The following COL27A1 variants were observed in gnomAD, a reference collection of about 807,000 sequenced individuals.
COL27A1 encodes the protein collagen alpha-1(XXVII) chain.
COL27A1 carries 106 observed loss-of-function variants against 251.3 expected under a neutral mutation model. That is an observed-to-expected ratio of 0.42 (90% CI 0.36 to 0.50). The LOEUF is 0.50. COL27A1 is among the 20% of genes least tolerant of loss of function. COL27A1 has a pLI of 0.00. For missense variants in COL27A1, 2,325 were observed against 2,522.8 expected (o/e 0.92, Z 1.68); for synonymous variants, 1,000 against 986.3 (o/e 1.01, Z -0.26).
At chr9:114,289,385 C>A in intron 45 of COL27A1, 90 bp downstream of exon 45, 2 of 1,296,288 alleles carry the variant, frequency 1.5e-6, no homozygotes, top group Non-Finnish European at 2.1e-6. Flanking sequence ...ACGCAGGCTG[C>A]AGAGGCTGCG....
chr9:114,215,198 G>T (rs1163525101), intron 12 of COL27A1, among the ~76,000 whole-genome samples: 6 of 152,252 alleles, frequency 3.9e-5, no homozygotes, highest in African/African-American at 1.2e-4. Flanking sequence ...GCCCAAGGCC[G>T]CGCAGTCCTC....
chr9:114,232,672 C>T (rs1588715853), intron 16 of COL27A1, among the ~76,000 whole-genome samples: 1 of 152,192 alleles, frequency 6.6e-6, no homozygotes, highest in Non-Finnish European at 1.5e-5. Context: ...CTCTAGGTGC[C>T]TCTGCTTCCT....
At chr9:114,261,475 C>T (rs1834331430) in intron 28 of COL27A1, among the ~76,000 whole-genome samples, 1 of 152,214 alleles carries the variant, frequency 6.6e-6, no homozygotes, top group Non-Finnish European at 1.5e-5. Context: ...GAGTGTGCGG[C>T]TGTTCTCGCC....
At chr9:114,188,894 G>A (rs906212248) in intron 5 of COL27A1, among the ~76,000 whole-genome samples, 32 of 151,940 alleles carry the variant, frequency 2.1e-4, no homozygotes, top group African/African-American at 7.5e-4. Context: ...GGTTTATTTT[G>A]GAAGGTTGGG....
chr9:114,158,508 G>A (rs376807528), intron 1 of COL27A1, among the ~76,000 whole-genome samples: 6 of 152,188 alleles, frequency 3.9e-5, no homozygotes, highest in East Asian at 1.9e-4. Context: ...CGCGGCTCCC[G>A]TTTCGGCTGC....
intron 25 of COL27A1, among the ~76,000 whole-genome samples, chr9:114,251,744 A>C (rs999398643): frequency 6.6e-6 from 1 of 152,214 alleles, no homozygotes; most frequent in Non-Finnish European, 1.5e-5. Flanking sequence ...CTTTCTGCCC[A>C]GATGCTCTTC....
rs1205269156 is a variant in COL27A1 at position 114,309,477 on chromosome 9, A to C, written c.5435A>C (p.Lys1812Thr). 1 of 1,613,164 alleles carries C rather than the reference A, an allele frequency of 6.2e-7. No homozygotes were observed. The highest frequency in any genetic ancestry group is 8.5e-7 in the Non-Finnish European group (1 of 1,179,646). The stretch of plus-strand genomic sequence containing the variant: ...CCCGAGGTGTCCATGGATGGCTGCA[A>C]GGTAACTCTCAGAGCCCCTCCTAGG... The part of the protein sequence containing the change: ...FRPEVSMDGC[K>T]VQDGRWHQTL... The change falls in exon 60 of 61, where the codon AAG becomes ACG. Residue 1812 changes from lysine to threonine, a missense_variant and splice_region_variant. Physicochemically the swap from Lys to Thr is moderately conservative, Grantham distance 78. Transcript: ENST00000356083.
chr9:114,171,283 C>T lies in COL27A1; in HGVS notation c.1908+1820C>T, dbSNP rs1473369503. ...AGGACCTGCCCAAGGCCACGCAGCACGGAGGAGGTGGAGTTGAAGTTTACA... is the reference window on the plus strand; with the variant it reads ...AGGACCTGCCCAAGGCCACGCAGCATGGAGGAGGTGGAGTTGAAGTTTACA... On this transcript the variant is annotated intron_variant, in intron 3 of 60. Transcript: ENST00000356083. 6.6e-5 allele frequency among the ~76,000 whole-genome samples: 10 copies of T among 152,128 alleles called. No homozygotes were observed. The South Asian group carries it at 1.0e-3, about 16-fold the overall frequency.
chr9:114,242,563 C>T (rs752927320), intron 22 of COL27A1, among the ~76,000 whole-genome samples: 14 of 152,370 alleles, frequency 9.2e-5, no homozygotes, highest in East Asian at 5.8e-4. Flanking sequence ...GCAGTGGGGA[C>T]GCCCTGCCTG....
rs74741572 is a variant in COL27A1, at chr9:114,291,052, C to T, written c.4476+135C>T. The stretch of plus-strand genomic sequence containing the variant: ...GGAGTCCACATTGTTGACCTTTCTC[C>T]GTCAGCAGTGCTTGGGGGTCCTGCC... On this transcript the variant is annotated intron_variant, in intron 48 of 60. Transcript: ENST00000356083. 1,953 of 599,580 alleles carry T rather than the reference C, an allele frequency of 3.3e-3. 39 individuals are homozygous for T. In the African/African-American group the frequency reaches 0.034, roughly 11 times the overall value. 37.1% of individuals were successfully genotyped at this position (599,580 alleles called of 1,614,324 possible). A position where few individuals can be genotyped will look rare whatever the true frequency, so the allele number is the denominator to read the frequency against.
intron 36 of COL27A1, among the ~76,000 whole-genome samples, chr9:114,274,505 A>G (rs1057361698): frequency 3.9e-5 from 6 of 152,228 alleles, no homozygotes; most frequent in African/African-American, 1.4e-4. Context: ...GGATTAAGTC[A>G]GTTAATAGAT....
chr9:114,194,472 AC>A lies in COL27A1; in HGVS notation c.2070+19del. Reference sequence around the variant, plus strand: ...ATGGGGCAAAGGTAGGTTTCCAGGGACCCCAGTTCTCAGGGAAGAGGGGAGT... The same window carrying A: ...ATGGGGCAAAGGTAGGTTTCCAGGGACCCAGTTCTCAGGGAAGAGGGGAGT... On this transcript the variant is annotated intron_variant, in intron 6 of 60. Coordinates refer to ENST00000356083, the MANE Select transcript of COL27A1 (RefSeq NM_032888.4). 1 of 1,608,706 alleles carries A rather than the reference AC, an allele frequency of 6.2e-7. No individual in the cohort carries two copies. The highest frequency in any genetic ancestry group is 8.5e-7 in the Non-Finnish European group (1 of 1,176,828).
chr9:114,182,191 A>AT lies in COL27A1; in HGVS notation c.1963-831_1963-830insT, dbSNP rs1554792782. ...CCATCTCTATAAAATAATAATAATA[A>AT]AATAATAAAAATAATAAAATAAAAA... On this transcript the variant is annotated intron_variant, in intron 4 of 60. Coordinates refer to ENST00000356083, the MANE Select transcript of COL27A1 (RefSeq NM_032888.4). Among the ~76,000 whole-genome samples, 493 of 14,190 alleles carry AT rather than the reference A, an allele frequency of 0.035. 14 individuals carry two copies. The East Asian group carries it at 0.43, about 12-fold the overall frequency. The allele number at this position is 14,190 out of a possible 152,430, so 9.3% of individuals were successfully genotyped here. A position where few individuals can be genotyped will look rare whatever the true frequency, so the allele number is the denominator to read the frequency against.
Position 114,260,027 on chromosome 9 carries a change from C to A in COL27A1, c.3195+1433C>A, listed in dbSNP as rs550153261. 2.0e-5 allele frequency among the ~76,000 whole-genome samples: 3 copies of A among 152,060 alleles called. No homozygotes were observed. In the East Asian group the frequency reaches 5.8e-4, roughly 30 times the overall value. The stretch of plus-strand genomic sequence containing the variant: ...GGGGTCTCTTCAAATGGGCCTTGGG[C>A]CAAGGGCAGCCAGGCTCCATCCGGA... On this transcript the variant is annotated intron_variant, in intron 28 of 60. Transcript: ENST00000356083.
chr9:114,279,231 C>G (rs1369818359), intron 37 of COL27A1, among the ~76,000 whole-genome samples: 1 of 152,182 alleles, frequency 6.6e-6, no homozygotes, highest in African/African-American at 2.4e-5. Flanking sequence ...CTGCTTGTCA[C>G]TTCTGACCTG....
intron 37 of COL27A1, among the ~76,000 whole-genome samples, chr9:114,281,197 T>A (rs1835875630): frequency 6.6e-6 from 1 of 152,228 alleles, no homozygotes; most frequent in African/African-American, 2.4e-5. Context: ...CTAGATCCTT[T>A]GAGGCTTGCA....
intron 52 of COL27A1, 60 bp from the exon 53 acceptor site, chr9:114,301,224 T>C (rs2131663491): frequency 3.1e-6 from 5 of 1,609,750 alleles, no homozygotes; most frequent in Non-Finnish European, 4.2e-6. Flanking sequence ...CTCAGTTTCC[T>C]CATCTGGAAA....
chr9:114,172,491 G>A (rs999015094), intron 3 of COL27A1, among the ~76,000 whole-genome samples: 3 of 152,132 alleles, frequency 2.0e-5, no homozygotes, highest in African/African-American at 4.8e-5. Flanking sequence ...GAAAATGTGC[G>A]TAAATTTTAT....
intron 50 of COL27A1, 174 bp downstream of exon 50, chr9:114,300,297 C>G (rs766568271): frequency 2.3e-5 from 15 of 657,916 alleles, no homozygotes; most frequent in Non-Finnish European, 3.4e-5. Context: ...GGTTCCAAGC[C>G]CAGCTACACA....
Sources: gnomAD v4.1 joint callset for allele counts (sites outside exome capture counted in the v4.1 genomes callset) on GRCh38, gnomAD v4.1.1 for gene constraint, MANE v1.5 for transcripts, NCBI Gene and HGNC (gene_info 2026-07-23, HGNC 2026-07-21) for gene names.